Variants in ASB10 observed in about 807,000 individuals in gnomAD.
The protein encoded by ASB10 is ankyrin repeat and SOCS box protein 10.
A neutral mutation model predicts 35.4 loss-of-function variants in ASB10; 44 were observed. The ratio of observed to expected loss-of-function variants is 1.24; its 90% CI spans 0.98 to 1.60. The LOEUF (loss-of-function observed/expected upper bound fraction) is 1.60. Among genes scored for constraint, ASB10 ranks in the 40% most tolerant of loss-of-function variants. ASB10 has a pLI of 0.00. For missense variants in ASB10, 647 were observed against 634.3 expected (o/e 1.02, Z -0.22); for synonymous variants, 294 against 280.4 (o/e 1.05, Z -0.49).
rs1412595755 is a variant in ASB10 at position 151,181,041 on chromosome 7, A to G, written c.1002T>C (p.Ala334=). ...DYGGHTPLHC[A]LQGPAAALAQ... ...CCAGGGCTGCAGCTGGGCCCTGCAGAGCACAGTGCAGGGGCGTGTGTCCCC... is the reference window on the plus strand; with the variant it reads ...CCAGGGCTGCAGCTGGGCCCTGCAGGGCACAGTGCAGGGGCGTGTGTCCCC... The change falls in exon 3 of 6, where the codon GCT becomes GCC. Residue 334 remains alanine (A), a synonymous_variant. Coordinates refer to ENST00000420175, the MANE Select transcript of ASB10 (RefSeq NM_001142459.2). The G allele has an allele frequency of 6.2e-7, 1 of 1,611,006 alleles. No homozygotes were observed. The highest frequency in any genetic ancestry group is 1.1e-5 in the South Asian group (1 of 91,050).
upstream of ASB10, chr7:151,187,411 C>T: frequency 6.4e-7 from 1 of 1,550,596 alleles, no homozygotes; most frequent in Non-Finnish European, 8.7e-7. This position sits in a 1 kb window ranked among gnomAD's most constrained non-coding sequence, Gnocchi z 5.3. Flanking sequence ...AGGCAGTCAG[C>T]CCAGCCCCCT....
intron 3 of ASB10, among the ~76,000 whole-genome samples, chr7:151,177,875 G>A (rs1801417659): frequency 1.3e-5 from 2 of 152,206 alleles, no homozygotes; most frequent in African/African-American, 2.4e-5. Flanking sequence ...TAAAGTCCTC[G>A]TCATCCAAGA....
chr7:151,183,877 C>T (rs529407573), intron 2 of ASB10, among the ~76,000 whole-genome samples: 17 of 152,032 alleles, frequency 1.1e-4, no homozygotes, highest in East Asian at 2.0e-4. Flanking sequence ...TGAGCCACTG[C>T]GCCCGGCCTC....
At chr7:151,179,317 TC>T (rs1801445840) in intron 3 of ASB10, among the ~76,000 whole-genome samples, 1 of 152,174 alleles carries the variant, frequency 6.6e-6, no homozygotes, top group Admixed American at 6.5e-5. Context: ...GAGCCTACAC[TC>T]CTAGTCACCA....
At chr7:151,187,496 A>C, upstream of ASB10, 1 of 1,551,208 alleles carries the variant, frequency 6.4e-7, no homozygotes, top group East Asian at 2.4e-5. The surrounding 1 kb of genome is among the most constrained non-coding windows in gnomAD (Gnocchi z 5.3). Flanking sequence ...CCGGCTCTCC[A>C]GCAGCAGGTC....
chr7:151,175,744 A>C lies in ASB10; in HGVS notation c.*223T>G. On this transcript the variant is annotated 3_prime_UTR_variant, in exon 6 of 6. Coordinates refer to ENST00000420175, the MANE Select transcript of ASB10 (RefSeq NM_001142459.2). ...TGCACATACAGGGTTTGCACAGGCTAGAAGGGGGCCTCAGGAGAGCCCCAG... is the reference window on the plus strand; with the variant it reads ...TGCACATACAGGGTTTGCACAGGCTCGAAGGGGGCCTCAGGAGAGCCCCAG... 4.1e-6 allele frequency: 1 copy of C among 244,522 alleles called. No homozygotes were observed. The highest frequency in any genetic ancestry group is 9.6e-5 in the East Asian group (1 of 10,384). The allele number at this position is 244,522 out of a possible 1,614,324, so 15.1% of individuals were successfully genotyped here.
chr7:151,176,010 G>A, intron 5 of ASB10, 44 bp from the exon 6 acceptor site: 1 of 1,369,182 alleles, frequency 7.3e-7, no homozygotes, highest in South Asian at 1.4e-5. Flanking sequence ...GTGGTTCGGG[G>A]ACGGGCCGGT....
At position 151,185,000 on chromosome 7, in the gene ASB10, C is replaced by T. The variant is rs989311615; in HGVS notation, c.584+1392G>A. Reference sequence around the variant, plus strand: ...TCGCACCACTGCACTCCAGCCTGGGCGGCAGAGCAAGACTCCGTCTCAAAA... The same window carrying T: ...TCGCACCACTGCACTCCAGCCTGGGTGGCAGAGCAAGACTCCGTCTCAAAA... On this transcript the variant is annotated intron_variant, in intron 2 of 5. Transcript: ENST00000420175. 1.3e-5 allele frequency among the ~76,000 whole-genome samples: 2 copies of T among 151,392 alleles called. 1 individual carries two copies. Among genetic ancestry groups the T allele is most frequent in the South Asian group, 4.2e-4 (2 of 4,794 alleles).
At position 151,176,620 on chromosome 7, in the gene ASB10, G is replaced by GT; in HGVS notation, c.1160dup (p.Tyr387Ter). 6.4e-7 allele frequency: 1 copy of GT among 1,551,472 alleles called. No individual in the cohort carries two copies. The highest frequency in any genetic ancestry group is 8.7e-7 in the Non-Finnish European group (1 of 1,146,954). Residue 387 changes from tyrosine to a stop codon, truncating the protein, a stop_gained and frameshift_variant, in exon 4 of 6, where the codon TAC becomes TAAC. Coordinates refer to ENST00000420175, the MANE Select transcript of ASB10 (RefSeq NM_001142459.2). LOFTEE classifies it high-confidence loss of function. ...PRTIEVLMNT[Y>*]SVVQLPEEAV... The stretch of plus-strand genomic sequence containing the variant: ...CCTCCTCGGGAAGCTGCACAACACT[G>GT]TAGGTGTTCATCAGGACCTCGATGG...
At position 151,176,299 on chromosome 7, in the gene ASB10, T is replaced by C; in HGVS notation, c.1219-2A>G. The C allele has an allele frequency of 1.3e-6, 2 of 1,541,876 alleles. No individual in the cohort carries two copies. The highest frequency in any genetic ancestry group is 2.3e-5 in the East Asian group (1 of 44,136). ...GGAGGAGTAGAAACGCTGATGTTTC[T>C]GGGGGCAGAACAAGGGGCTCAGTGA... is the stretch of plus-strand genomic sequence containing the variant. On this transcript the variant is annotated splice_acceptor_variant, in intron 4 of 5. Transcript: ENST00000420175. LOFTEE classifies it high-confidence loss of function.
rs752576203 is a variant in ASB10, at chr7:151,186,914, T to G, written c.217A>C (p.Ile73Leu). The change falls in exon 1 of 6, where the codon ATC becomes CTC. Residue 73 changes from isoleucine to leucine, a missense_variant. By Grantham distance (5) the Ile-to-Leu change is conservative (BLOSUM62 2). Coordinates refer to ENST00000420175, the MANE Select transcript of ASB10 (RefSeq NM_001142459.2). ...LAGDVGCVSR[I>L]LADSSTGLAP... is the part of the protein sequence containing the mutation. ...AGGCCAGTACTGGAGTCCGCGAGGA[T>G]GCGGGAGACACAGCCCACGTCCCCA... The G allele has an allele frequency of 3.7e-6, 6 of 1,613,982 alleles. No individual in the cohort carries two copies. Among genetic ancestry groups the G allele is most frequent in the Non-Finnish European group, 5.1e-6 (6 of 1,180,022 alleles).
chr7:151,181,479 TG>T (rs1443223251), intron 2 of ASB10, 21 bp from the exon 3 acceptor site: 3 of 1,558,410 alleles, frequency 1.9e-6, no homozygotes, highest in East Asian at 2.3e-5. Flanking sequence ...GAGACGGTGG[TG>T]GGGAGGAAAG....
intron 2 of ASB10, 67 bp downstream of exon 2, chr7:151,186,323 TCC>T: frequency 6.7e-7 from 1 of 1,485,142 alleles, no homozygotes; most frequent in Non-Finnish European, 9.0e-7. Flanking sequence ...TTTTCCCCCA[TCC>T]TCCCTGAGAA....
In ASB10 at chr7:151,187,211, C is replaced by T; in HGVS notation, c.-81G>A. 1.3e-6 allele frequency: 2 copies of T among 1,541,486 alleles called. No individual in the cohort carries two copies. Among genetic ancestry groups the T allele is most frequent in the Middle Eastern group, 1.7e-4 (1 of 5,928 alleles). On this transcript the variant is annotated 5_prime_UTR_variant, in exon 1 of 6. Coordinates refer to ENST00000420175, the MANE Select transcript of ASB10 (RefSeq NM_001142459.2). The surrounding 1 kb of genome is among the most constrained non-coding windows in gnomAD (Gnocchi z 5.3). Reference sequence around the variant, plus strand: ...AGAGAGAGAGAGCAGGAGGGAAATACAGACAGACAGAAGGCCCCTGTGTCC... The same window carrying T: ...AGAGAGAGAGAGCAGGAGGGAAATATAGACAGACAGAAGGCCCCTGTGTCC...
upstream of ASB10, chr7:151,187,699 AGAG>A (rs1347935737): frequency 3.0e-5 from 44 of 1,477,036 alleles, no homozygotes; most frequent in East Asian, 1.0e-3. The surrounding 1 kb of genome is among the most constrained non-coding windows in gnomAD (Gnocchi z 5.3). Flanking sequence ...CCCAGTGGGG[AGAG>A]GAGTTCTTTC....
chr7:151,187,316 G>A, upstream of ASB10: 2 of 1,514,030 alleles, frequency 1.3e-6, no homozygotes, highest in Non-Finnish European at 1.8e-6. This position sits in a 1 kb window ranked among gnomAD's most constrained non-coding sequence, Gnocchi z 5.3. Flanking sequence ...GGGCCAAGGT[G>A]TAGGCTATTG....
At chr7:151,177,224 G>T (rs769092820) in intron 3 of ASB10, among the ~76,000 whole-genome samples, 1 of 152,240 alleles carries the variant, frequency 6.6e-6, no homozygotes, top group Non-Finnish European at 1.5e-5. Flanking sequence ...TTTCTATTGT[G>T]CATAACTCAG....
At chr7:151,186,290 T>G (rs1213881186) in intron 2 of ASB10, 102 bp downstream of exon 2, 6 of 1,399,218 alleles carry the variant, frequency 4.3e-6, no homozygotes, top group Non-Finnish European at 4.8e-6. Context: ...AAGCCTGGAC[T>G]GCTCTGTCCC....
intron 5 of ASB10, 41 bp downstream of exon 5, chr7:151,176,071 A>C (rs764319277): frequency 1.3e-6 from 2 of 1,598,514 alleles, no homozygotes; most frequent in African/African-American, 2.7e-5. Flanking sequence ...ACATCCCTGG[A>C]CCCCAAGCAG....
Sources: gnomAD v4.1 joint callset for allele counts (sites outside exome capture counted in the v4.1 genomes callset) on GRCh38, gnomAD v4.1.1 for gene constraint, Gnocchi (gnomAD v3.1) non-coding constraint, MANE v1.5 for transcripts, NCBI Gene and HGNC (gene_info 2026-07-23, HGNC 2026-07-21) for gene names.